Variants in CNTNAP2 observed in about 807,000 individuals in gnomAD.
CNTNAP2 encodes contactin-associated protein-like 2.
CNTNAP2 carries 98 observed loss-of-function variants against 155.2 expected under a neutral mutation model. The observed-to-expected ratio is 0.63, with a 90% CI of 0.54 to 0.75. CNTNAP2 has a LOEUF of 0.75. Ranked by LOEUF, CNTNAP2 falls within the 30% of genes least tolerant of loss-of-function variation. The pLI is 0.00. For synonymous variants in CNTNAP2, 651 were observed against 631.2 expected (o/e 1.03, Z -0.47); for missense variants, 1,727 against 1,688.1 (o/e 1.02, Z -0.40).
intron 6 of CNTNAP2, among the ~76,000 whole-genome samples, chr7:147,124,874 T>C (rs1325827402): frequency 7.5e-6 from 1 of 133,822 alleles, no homozygotes; most frequent in Admixed American, 8.7e-5. Context: ...TTCCTTTTTT[T>C]CCTTTTTTTT....
At chr7:148,088,025 G>T (rs534487021) in intron 15 of CNTNAP2, among the ~76,000 whole-genome samples, 14 of 152,040 alleles carry the variant, frequency 9.2e-5, no homozygotes, top group Middle Eastern at 3.4e-3. Flanking sequence ...GGAATTATTT[G>T]GAAAGATTTC....
At chr7:147,610,371 C>A (rs1373389812) in intron 12 of CNTNAP2, among the ~76,000 whole-genome samples, 1 of 151,440 alleles carries the variant, frequency 6.6e-6, no homozygotes, top group Non-Finnish European at 1.5e-5. Context: ...GGTGAGATTA[C>A]TGGGGCAAAG....
intron 4 of CNTNAP2, among the ~76,000 whole-genome samples, chr7:147,070,550 A>T (rs188526342): frequency 5.4e-4 from 82 of 152,324 alleles, no homozygotes; most frequent in African/African-American, 1.9e-3. Flanking sequence ...TGCTGATCTG[A>T]TCCAGAGATT....
intron 3 of CNTNAP2, among the ~76,000 whole-genome samples, chr7:146,864,026 G>A (rs1183052030): frequency 1.3e-5 from 2 of 151,894 alleles, no homozygotes; most frequent in Non-Finnish European, 2.9e-5. Flanking sequence ...AATGCTCTAA[G>A]TAACCTTTTT....
At chr7:148,320,351 G>A (rs1797767930) in intron 21 of CNTNAP2, among the ~76,000 whole-genome samples, 1 of 148,568 alleles carries the variant, frequency 6.7e-6, no homozygotes, top group South Asian at 2.2e-4. Context: ...GTGGAGAGCT[G>A]AGACCTAACA....
At position 147,252,528 on chromosome 7, in the gene CNTNAP2, T is replaced by C. The variant is rs1028875613; in HGVS notation, c.1349-47613T>C. Among the ~76,000 whole-genome samples, 3 of 152,176 alleles carry C rather than the reference T, an allele frequency of 2.0e-5. No homozygotes were observed. The East Asian group carries it at 5.8e-4, about 29-fold the overall frequency. On this transcript the variant is annotated intron_variant, in intron 8 of 23. Coordinates refer to ENST00000361727, the MANE Select transcript of CNTNAP2 (RefSeq NM_014141.6). ...CTTCCTGGATTTCAATTGCTTCCTCTATAAAGCAGGGATAATAATTTCATA... is the reference window on the plus strand; with the variant it reads ...CTTCCTGGATTTCAATTGCTTCCTCCATAAAGCAGGGATAATAATTTCATA...
intron 1 of CNTNAP2, among the ~76,000 whole-genome samples, chr7:146,451,880 C>CATACGTGTATATATATATACATATATAT (rs71175650): frequency 1.9e-5 from 2 of 106,254 alleles, no homozygotes; most frequent in African/African-American, 1.9e-4. Flanking sequence ...CGTATATATA[C>CATACGTGTATATATATATACATATATAT]ACATATACAT....
rs144827473 is a variant in CNTNAP2, at chr7:146,912,570, T to C, written c.402+72666T>C. On this transcript the variant is annotated intron_variant, in intron 3 of 23. Transcript: ENST00000361727. The stretch of plus-strand genomic sequence containing the variant: ...TTTATATTGAAATCATCAATTTATA[T>C]TCAAATACCTGTAGTGCTAAGACCA... Among the ~76,000 whole-genome samples, 666 of 152,290 alleles carry C rather than the reference T, an allele frequency of 4.4e-3. 4 individuals are homozygous for C. The highest frequency in any genetic ancestry group is 0.015 in the African/African-American group (628 of 41,572).
At chr7:147,126,456 C>T (rs1003280948) in intron 6 of CNTNAP2, among the ~76,000 whole-genome samples, 1 of 152,042 alleles carries the variant, frequency 6.6e-6, no homozygotes, top group African/African-American at 2.4e-5. Flanking sequence ...GTTTATTTTA[C>T]CAATGAGAAT....
rs146185885 is a variant in CNTNAP2 at position 146,760,552 on chromosome 7, G to A, written c.98-13719G>A. On this transcript the variant is annotated intron_variant, in intron 1 of 23. Coordinates refer to ENST00000361727, the MANE Select transcript of CNTNAP2 (RefSeq NM_014141.6). ...CCATCCTCCCACCTTAGCCTCCTAAGTAGCTGGCACTACAGGCACACACCA... is the reference window on the plus strand; with the variant it reads ...CCATCCTCCCACCTTAGCCTCCTAAATAGCTGGCACTACAGGCACACACCA... Among the ~76,000 whole-genome samples the A allele has an allele frequency of 3.1e-3, 463 of 148,634 alleles. 2 individuals are homozygous for A. Among genetic ancestry groups the A allele is most frequent in the African/African-American group, 0.011 (444 of 40,578 alleles).
At chr7:146,912,614 C>T (rs1016380767) in intron 3 of CNTNAP2, among the ~76,000 whole-genome samples, 10 of 151,936 alleles carry the variant, frequency 6.6e-5, no homozygotes, top group Non-Finnish European at 1.3e-4. Context: ...TTGTAATATC[C>T]CCTTTAAACC....
intron 11 of CNTNAP2, among the ~76,000 whole-genome samples, chr7:147,554,787 A>G (rs1326332841): frequency 6.6e-6 from 1 of 152,110 alleles, no homozygotes; most frequent in Non-Finnish European, 1.5e-5. Context: ...TGTGCTGATA[A>G]TGAGACAATG....
At chr7:147,271,069 T>C (rs1804738466) in intron 8 of CNTNAP2, among the ~76,000 whole-genome samples, 1 of 152,180 alleles carries the variant, frequency 6.6e-6, no homozygotes, top group Admixed American at 6.5e-5. Context: ...CATTACACTT[T>C]GGGTAACGTT....
intron 1 of CNTNAP2, among the ~76,000 whole-genome samples, chr7:146,211,607 T>A (rs529442089): frequency 4.6e-5 from 7 of 152,254 alleles, no homozygotes; most frequent in Admixed American, 1.3e-4. Flanking sequence ...ACAGAATTTT[T>A]AAAGAGATAT....
chr7:147,941,093 C>G (rs1400862218), intron 14 of CNTNAP2, among the ~76,000 whole-genome samples: 1 of 152,108 alleles, frequency 6.6e-6, no homozygotes, highest in Non-Finnish European at 1.5e-5. Context: ...CTGATGTGGC[C>G]ACAGTCTGGC....
chr7:146,873,607 A>T (rs1795360093), intron 3 of CNTNAP2, among the ~76,000 whole-genome samples: 1 of 152,136 alleles, frequency 6.6e-6, no homozygotes, highest in Admixed American at 6.6e-5. Flanking sequence ...TATGAATGCA[A>T]GTGGGTCAAG....
intron 13 of CNTNAP2, among the ~76,000 whole-genome samples, chr7:147,885,379 A>C (rs1799586450): frequency 6.6e-6 from 1 of 152,178 alleles, no homozygotes; most frequent in Non-Finnish European, 1.5e-5. Context: ...AGGCCCCAGC[A>C]CGTTGGGAAG....
intron 21 of CNTNAP2, among the ~76,000 whole-genome samples, chr7:148,296,851 A>G (rs1442731912): frequency 6.6e-6 from 1 of 152,196 alleles, no homozygotes; most frequent in Non-Finnish European, 1.5e-5. Flanking sequence ...AGTTCTTCTA[A>G]GGGTTCGAAA....
intron 8 of CNTNAP2, among the ~76,000 whole-genome samples, chr7:147,278,328 T>A (rs1804950510): frequency 6.6e-6 from 1 of 151,798 alleles, no homozygotes; most frequent in Non-Finnish European, 1.5e-5. Flanking sequence ...CACTGACTTT[T>A]ATAGTTACTT....
Sources: allele counts gnomAD v4.1 joint callset (sites outside exome capture counted in the v4.1 genomes callset), GRCh38; gene constraint gnomAD v4.1.1; transcripts MANE v1.5; gene names NCBI Gene and HGNC (gene_info 2026-07-23, HGNC 2026-07-21).